The following TBXAS1 variants were observed in gnomAD, a reference collection of about 807,000 sequenced individuals.
TBXAS1 encodes the protein thromboxane A synthase 1.
TBXAS1 carries 48 observed loss-of-function variants against 60.7 expected under a neutral mutation model. The observed-to-expected ratio is 0.79, with a 90% confidence interval of 0.63 to 1.01. The LOEUF (loss-of-function observed/expected upper bound fraction) is 1.01, where lower values mean the gene tolerates loss of function less well. Ranked by LOEUF, TBXAS1 falls within the 50% of genes least tolerant of loss-of-function variation. The pLI is 0.00. For missense variants in TBXAS1, 685 were observed against 686.3 expected, an observed-to-expected ratio of 1.00 and a Z score of 0.02; for synonymous variants, 287 against 269.7, an observed-to-expected ratio of 1.06 and a Z score of -0.63.
intron 3 of TBXAS1, among the ~76,000 whole-genome samples, chr7:139,900,277 A>G (rs1392612926): frequency 6.6e-6 from 1 of 152,076 alleles, no homozygotes; most frequent in Non-Finnish European, 1.5e-5. Flanking sequence ...CTTAGTTTTC[A>G]CTCCCATATT....
chr7:139,888,217 C>T (rs1404945747), intron 3 of TBXAS1, among the ~76,000 whole-genome samples: 1 of 152,210 alleles, frequency 6.6e-6, no homozygotes, highest in East Asian at 1.9e-4. Flanking sequence ...TCTTATCTCA[C>T]TCCTTGCTGC....
At chr7:139,938,203 C>G (rs997337437) in intron 5 of TBXAS1, among the ~76,000 whole-genome samples, 1 of 152,142 alleles carries the variant, frequency 6.6e-6, no homozygotes, top group African/African-American at 2.4e-5. Flanking sequence ...GGGTCTGATA[C>G]AGTGTAGACA....
chr7:139,921,546 T>A (rs868509042), intron 4 of TBXAS1, among the ~76,000 whole-genome samples: 11 of 151,810 alleles, frequency 7.2e-5, no homozygotes, highest in African/African-American at 1.7e-4. Context: ...CAAAAAAAAA[T>A]TTTTAAATTA....
At chr7:139,808,524 T>G (rs910873715) in intron 4 of TBXAS1, among the ~76,000 whole-genome samples, 1 of 152,192 alleles carries the variant, frequency 6.6e-6, no homozygotes, top group Non-Finnish European at 1.5e-5. Flanking sequence ...AATGACCACA[T>G]GTAACAGCTT....
intron 4 of TBXAS1, chr7:139,797,220 G>T (rs1466373943): frequency 6.6e-6 from 1 of 152,184 alleles, no homozygotes; most frequent in African/African-American, 2.4e-5. Flanking sequence ...AAGCTTTGAG[G>T]AAGAGCCATA....
intron 4 of TBXAS1, among the ~76,000 whole-genome samples, chr7:139,935,962 C>G (rs1195505638): frequency 6.6e-6 from 1 of 152,210 alleles, no homozygotes; most frequent in African/African-American, 2.4e-5. Flanking sequence ...CAGCAGGGTA[C>G]AGCTGAGCCA....
At chr7:139,953,500 A>G (rs564937065) in intron 6 of TBXAS1, 44 bp downstream of exon 6, 26 of 1,567,166 alleles carry the variant, frequency 1.7e-5, no homozygotes, top group Non-Finnish European at 2.3e-5. Context: ...TTTTTGAATC[A>G]CTGCTTCTTG....
intron 4 of TBXAS1, among the ~76,000 whole-genome samples, chr7:139,818,026 A>G (rs1798195497): frequency 6.6e-6 from 1 of 152,222 alleles, no homozygotes; most frequent in Non-Finnish European, 1.5e-5. Flanking sequence ...ACAAGCAGGC[A>G]TTCTCCCAGT....
In TBXAS1 at chr7:139,782,646, TGCTCTTATTTTCCTGACA is replaced by T. The variant is rs1797040564; in HGVS notation, c.-232-13_-228del. On this transcript the variant is annotated splice_acceptor_variant and splice_polypyrimidine_tract_variant and intron_variant, in intron 2 of 16. Coordinates refer to the TBXAS1 transcript ENST00000336425. LOFTEE classifies it low-confidence loss of function (5UTR_SPLICE). ...TATCTTATTCTCACTTGGTGTGTGT[TGCTCTTATTTTCCTGACA>T]GCTCTTTATTTTCCATGTGTGAGCC... The T allele has an allele frequency of 6.6e-6, 1 of 152,274 alleles. No individual in the cohort carries two copies. The allele number at this position is 152,274 out of a possible 1,614,324, so 9.4% of individuals were successfully genotyped here.
At chr7:139,849,954 C>A (rs1462182142) in intron 1 of TBXAS1, among the ~76,000 whole-genome samples, 3 of 152,178 alleles carry the variant, frequency 2.0e-5, no homozygotes, top group Non-Finnish European at 4.4e-5. Flanking sequence ...TAAATTGCTC[C>A]AGAATTGTTT....
At chr7:139,841,119 G>A (rs753908060) in intron 1 of TBXAS1, among the ~76,000 whole-genome samples, 41 of 152,224 alleles carry the variant, frequency 2.7e-4, no homozygotes, top group Non-Finnish European at 4.7e-4. Context: ...GTGGCAAGGA[G>A]CCCAGAAATA....
chr7:139,846,383 G>A lies in TBXAS1; in HGVS notation c.89+16904G>A, dbSNP rs141084294. ...CTTAAGCAATAGATGTCAGGTCTCC[G>A]TGTCTCAGTTTCCCCATGTGTAAAA... On this transcript the variant is annotated intron_variant, in intron 1 of 12. Coordinates refer to ENST00000448866, the MANE Select transcript of TBXAS1 (RefSeq NM_001061.7). Among the ~76,000 whole-genome samples, 905 of 152,244 alleles carry A rather than the reference G, an allele frequency of 5.9e-3. 3 individuals are homozygous for A. The highest frequency in any genetic ancestry group is 0.01 in the Non-Finnish European group (688 of 68,008).
At chr7:139,966,367 A>C (rs1034056141) in intron 9 of TBXAS1, among the ~76,000 whole-genome samples, 4 of 152,222 alleles carry the variant, frequency 2.6e-5, no homozygotes, top group African/African-American at 9.6e-5. Context: ...AACTCAGCCC[A>C]GATTGTCTCA....
intron 1 of TBXAS1, among the ~76,000 whole-genome samples, chr7:139,850,776 C>T (rs1438905533): frequency 6.6e-6 from 1 of 151,968 alleles, no homozygotes; most frequent in Non-Finnish European, 1.5e-5. Context: ...GTCACACAGG[C>T]GAGAACACTG....
intron 1 of TBXAS1, among the ~76,000 whole-genome samples, chr7:139,867,140 G>A (rs777280990): frequency 6.6e-6 from 1 of 152,220 alleles, no homozygotes; most frequent in Non-Finnish European, 1.5e-5. Context: ...CAATGTGCAG[G>A]ACACTGGGTT....
intron 1 of TBXAS1, among the ~76,000 whole-genome samples, chr7:139,845,432 T>C (rs1336804358): frequency 6.6e-6 from 1 of 152,056 alleles, no homozygotes; most frequent in African/African-American, 2.4e-5. Context: ...TACTTGCATG[T>C]CCTTCCCCCT....
intron 3 of TBXAS1, among the ~76,000 whole-genome samples, chr7:139,783,346 T>G (rs1585491090): frequency 9.3e-6 from 1 of 107,610 alleles, no homozygotes. Context: ...AGAAAGGAAA[T>G]ATGGCAAAAA....
At chr7:139,850,283 T>C (rs1378507760) in intron 1 of TBXAS1, among the ~76,000 whole-genome samples, 2 of 152,226 alleles carry the variant, frequency 1.3e-5, no homozygotes, top group African/African-American at 4.8e-5. Flanking sequence ...CCTTTTTTCC[T>C]ATAAAAAAGA....
intron 8 of TBXAS1, among the ~76,000 whole-genome samples, chr7:139,958,635 A>C (rs546198003): frequency 7.2e-5 from 11 of 152,346 alleles, no homozygotes; most frequent in Non-Finnish European, 1.3e-4. Flanking sequence ...ACTGGCCTGA[A>C]ATGAAATCAG....
Sources: allele counts gnomAD v4.1 joint callset (sites outside exome capture counted in the v4.1 genomes callset), GRCh38; gene constraint gnomAD v4.1.1; transcripts MANE v1.5; gene names NCBI Gene and HGNC (gene_info 2026-07-23, HGNC 2026-07-21).